The following EIF4G3 variants were observed in gnomAD, a reference collection of about 807,000 sequenced individuals.
EIF4G3 encodes the protein eukaryotic translation initiation factor 4 gamma 3.
A neutral mutation model predicts 186.4 loss-of-function variants in EIF4G3; 34 were observed. The ratio of observed to expected loss-of-function variants is 0.18; its 90% CI spans 0.14 to 0.24. EIF4G3 has a LOEUF of 0.24. Among genes scored for constraint, EIF4G3 ranks in the 10% least tolerant of loss-of-function variants. The probability of loss-of-function intolerance (pLI) is 1.00; values close to 1 mark genes in which losing one functional copy is unlikely to be tolerated. For synonymous variants in EIF4G3, 673 were observed against 679.5 expected, an observed-to-expected ratio of 0.99 and a Z score of 0.15; for missense variants, 1,536 against 1,948.5, an observed-to-expected ratio of 0.79 and a Z score of 3.99.
intron 34 of EIF4G3, among the ~76,000 whole-genome samples, chr1:20,815,460 C>G (rs2060366657): frequency 6.6e-6 from 1 of 150,878 alleles, no homozygotes; most frequent in Non-Finnish European, 1.5e-5. Flanking sequence ...AGGAGCGCCT[C>G]TGCTGGGCCG....
At chr1:21,090,709 C>T (rs935923949) in intron 2 of EIF4G3, among the ~76,000 whole-genome samples, 7 of 152,172 alleles carry the variant, frequency 4.6e-5, no homozygotes, top group African/African-American at 9.6e-5. Context: ...CCCAGCTGAA[C>T]GTTCCTAAAC....
chr1:20,837,946 G>T (rs2067244544), intron 30 of EIF4G3, among the ~76,000 whole-genome samples: 1 of 152,166 alleles, frequency 6.6e-6, no homozygotes, highest in Non-Finnish European at 1.5e-5. Flanking sequence ...TTAGGTCTAA[G>T]CATCGAAGGT....
intron 10 of EIF4G3, among the ~76,000 whole-genome samples, chr1:20,976,418 T>G (rs1015718454): frequency 2.0e-5 from 3 of 152,024 alleles, no homozygotes; most frequent in Non-Finnish European, 2.9e-5. Context: ...TGATTTTTGT[T>G]GTTAAAACAT....
chr1:21,046,277 C>A (rs374662992), intron 4 of EIF4G3, among the ~76,000 whole-genome samples: 2 of 152,172 alleles, frequency 1.3e-5, no homozygotes, highest in Non-Finnish European at 2.9e-5. Context: ...AGTCTAAAGT[C>A]TTTGACTAAT....
intron 4 of EIF4G3, 122 bp downstream of exon 4, chr1:21,050,744 G>C: frequency 3.4e-6 from 2 of 594,564 alleles, no homozygotes; most frequent in East Asian, 6.4e-5. Context: ...AGATGCCAAA[G>C]ACAAACTTGA....
chr1:20,941,572 T>G lies in EIF4G3; in HGVS notation c.1582A>C (p.Lys528Gln). The G allele has an allele frequency of 6.2e-7, 1 of 1,614,192 alleles. No individual in the cohort carries two copies. Among genetic ancestry groups the G allele is most frequent in the Non-Finnish European group, 8.5e-7 (1 of 1,180,014 alleles). Residue 528 changes from lysine (K) to glutamine (Q), a missense_variant, in exon 14 of 37, where the codon AAA becomes CAA. Coordinates refer to ENST00000602326, the MANE Select transcript of EIF4G3 (RefSeq NM_001391906.1). ...LSEDAKEIQN[K>Q]IEVEADGQTE... Reference sequence around the variant, plus strand: ...TGCCCATCTGCTTCTACCTCTATTTTGTTCTGAATCTCTTTTGCATCTTCA... The same window carrying G: ...TGCCCATCTGCTTCTACCTCTATTTGGTTCTGAATCTCTTTTGCATCTTCA...
chr1:20,834,362 C>T (rs1307612983), intron 30 of EIF4G3, among the ~76,000 whole-genome samples: 2 of 152,016 alleles, frequency 1.3e-5, no homozygotes, highest in Non-Finnish European at 2.9e-5. Context: ...TGCTTGAGTC[C>T]AGAAGGTAGA....
At chr1:21,158,028 T>TAAACA (rs2097693810) in intron 2 of EIF4G3, among the ~76,000 whole-genome samples, 1 of 152,186 alleles carries the variant, frequency 6.6e-6, no homozygotes, top group Non-Finnish European at 1.5e-5. Flanking sequence ...ACTGGAGGTT[T>TAAACA]CTCACAATTG....
At chr1:21,059,140 A>G (rs570396156) in intron 3 of EIF4G3, among the ~76,000 whole-genome samples, 2 of 152,304 alleles carry the variant, frequency 1.3e-5, no homozygotes, top group East Asian at 1.9e-4. Flanking sequence ...CACATGGTTT[A>G]TATGTGTGAC....
At chr1:20,821,026 G>A (rs902228180) in intron 33 of EIF4G3, among the ~76,000 whole-genome samples, 4 of 152,054 alleles carry the variant, frequency 2.6e-5, no homozygotes, top group African/African-American at 4.8e-5. Context: ...ATTTGTTTGC[G>A]TACCTCATTC....
chr1:20,950,163 C>T, intron 12 of EIF4G3, 52 bp from the exon 13 acceptor site: 1 of 1,382,486 alleles, frequency 7.2e-7, no homozygotes, highest in Non-Finnish European at 9.7e-7. Flanking sequence ...AACATAAAAA[C>T]TAGCAACATG....
chr1:20,858,863 G>C (rs1186268254), intron 24 of EIF4G3, among the ~76,000 whole-genome samples: 1 of 152,182 alleles, frequency 6.6e-6, no homozygotes, highest in African/African-American at 2.4e-5. Flanking sequence ...CAGGCGTGGT[G>C]GTGGGCGCCT....
chr1:21,025,275 T>C (rs1390898467), intron 4 of EIF4G3, among the ~76,000 whole-genome samples: 1 of 152,128 alleles, frequency 6.6e-6, no homozygotes, highest in Non-Finnish European at 1.5e-5. Flanking sequence ...AAGGTAATCC[T>C]AGGAGATGTT....
intron 36 of EIF4G3, among the ~76,000 whole-genome samples, chr1:20,809,343 C>A (rs1056574705): frequency 6.6e-6 from 1 of 152,292 alleles, no homozygotes; most frequent in East Asian, 1.9e-4. Context: ...TTGCTTTCAT[C>A]TTTTCCTTTA....
At chr1:21,052,140 C>T (rs549094451) in intron 3 of EIF4G3, among the ~76,000 whole-genome samples, 7 of 152,144 alleles carry the variant, frequency 4.6e-5, no homozygotes, top group East Asian at 3.9e-4. Flanking sequence ...CATGTTTTTA[C>T]GTAACCAAAA....
At chr1:20,978,622 T>C (rs914302579) in intron 10 of EIF4G3, among the ~76,000 whole-genome samples, 1 of 149,160 alleles carries the variant, frequency 6.7e-6, no homozygotes, top group African/African-American at 2.5e-5. Flanking sequence ...ATCCAGTGTA[T>C]CCATGCTGTA....
intron 15 of EIF4G3, among the ~76,000 whole-genome samples, chr1:20,900,732 T>C (rs1005207510): frequency 1.3e-5 from 2 of 152,150 alleles, no homozygotes; most frequent in Non-Finnish European, 2.9e-5. Context: ...ACGATGGGTA[T>C]GCACTCTGAA....
chr1:20,987,961 T>C (rs7552999), intron 7 of EIF4G3, among the ~76,000 whole-genome samples: 55,934 of 151,772 alleles, frequency 0.37, 10,884 homozygotes, highest in Non-Finnish European at 0.43. Flanking sequence ...GCTACTCCAG[T>C]GAACACACAA....
chr1:20,863,268 G>C (rs1388299044), intron 22 of EIF4G3, among the ~76,000 whole-genome samples: 1 of 151,686 alleles, frequency 6.6e-6, no homozygotes. Context: ...CATAGTGACT[G>C]ATACCTGTAA....
Sources: allele counts gnomAD v4.1 joint callset (sites outside exome capture counted in the v4.1 genomes callset), GRCh38; gene constraint gnomAD v4.1.1; transcripts MANE v1.5; gene names NCBI Gene and HGNC (gene_info 2026-07-23, HGNC 2026-07-21).